The following DNAI1 variants were observed in gnomAD, a reference collection of about 807,000 sequenced individuals.
DNAI1 encodes dynein, axonemal, intermediate polypeptide 1.
In DNAI1, 67 loss-of-function variants were observed where a neutral mutation model predicts 92.0. That is an observed-to-expected ratio of 0.73 (90% CI 0.60 to 0.89). The LOEUF (loss-of-function observed/expected upper bound fraction) is 0.89. Ranked by LOEUF, DNAI1 falls within the 40% of genes least tolerant of loss-of-function variation. The pLI, the probability that DNAI1 is intolerant of heterozygous loss-of-function variation, is 0.00. For synonymous variants in DNAI1, 323 were observed against 319.6 expected, an observed-to-expected ratio of 1.01 and a Z score of -0.11; for missense variants, 839 against 866.6, an observed-to-expected ratio of 0.97 and a Z score of 0.40.
At chr9:34,479,178 G>A (rs1824293291) in intron 1 of DNAI1, among the ~76,000 whole-genome samples, 1 of 152,156 alleles carries the variant, frequency 6.6e-6, no homozygotes, top group Non-Finnish European at 1.5e-5. Context: ...ACTGCACCTC[G>A]GAGTCCTAGC....
chr9:34,481,238 G>C (rs540838834), intron 1 of DNAI1, among the ~76,000 whole-genome samples: 1 of 152,372 alleles, frequency 6.6e-6, no homozygotes, highest in East Asian at 1.9e-4. Flanking sequence ...GTGAAACTCT[G>C]TCTCAAAATA....
In DNAI1 at chr9:34,517,426, A is replaced by G. The variant is rs1825191501; in HGVS notation, c.1960A>G (p.Ile654Val). 7 of 1,614,070 alleles carry G rather than the reference A, an allele frequency of 4.3e-6. No homozygotes were observed. Among genetic ancestry groups the G allele is most frequent in the African/African-American group, 1.3e-5 (1 of 74,918 alleles). Residue 654 changes from isoleucine (I) to valine (V), a missense_variant, in exon 19 of 20, where the codon ATC (isoleucine) becomes GTC (valine). Ile to Val is a conservative substitution (Grantham distance 29). Coordinates refer to ENST00000242317, the MANE Select transcript of DNAI1 (RefSeq NM_012144.4). ...IIVGDDRGHI[I>V]SLKLSPNLRK... ...TGTGGGCGATGACCGTGGGCACATCATCAGCCTCAAGCTCTCACCCAATTT... is the reference window on the plus strand; with the variant it reads ...TGTGGGCGATGACCGTGGGCACATCGTCAGCCTCAAGCTCTCACCCAATTT...
rs779416180 is a variant in DNAI1 at position 34,466,634 on chromosome 9, GTA to G, written c.48+7587_48+7588del. On this transcript the variant is annotated intron_variant, in intron 1 of 19. Coordinates refer to ENST00000242317, the MANE Select transcript of DNAI1 (RefSeq NM_012144.4). ...AAAAGAGGATGAGAGAAGGGAGAAGGTATATATGTGGGGAGTTACAGATGGTT... is the reference window on the plus strand; with the variant it reads ...AAAAGAGGATGAGAGAAGGGAGAAGGTATATGTGGGGAGTTACAGATGGTT... 2.0e-5 allele frequency among the ~76,000 whole-genome samples: 3 copies of G among 152,204 alleles called. No homozygotes were observed. The East Asian group carries it at 5.8e-4, about 29-fold the overall frequency.
Position 34,493,418 on chromosome 9 carries a change from G to A in DNAI1, c.816+90G>A, listed in dbSNP as rs1824652960. On this transcript the variant is annotated intron_variant, in intron 9 of 19. Transcript: ENST00000242317. ...ACAGAAGCCTGGCTGTCTGGGAGGG[G>A]TTCACAGATACTTAAATCAGGGACT... is the stretch of plus-strand genomic sequence containing the variant. 16 of 1,543,800 alleles carry A rather than the reference G, an allele frequency of 1.0e-5. No homozygotes were observed. The South Asian group carries it at 1.8e-4, about 17-fold the overall frequency.
At chr9:34,488,305 A>G (rs1824513687) in intron 4 of DNAI1, 1 of 174,968 alleles carries the variant, frequency 5.7e-6, no homozygotes, top group African/African-American at 2.4e-5. Flanking sequence ...CTGCCTCCAA[A>G]GACCATGCTC....
intron 16 of DNAI1, among the ~76,000 whole-genome samples, chr9:34,513,787 CA>C (rs376945494): frequency 1.3e-3 from 200 of 152,310 alleles, no homozygotes; most frequent in African/African-American, 4.6e-3. Flanking sequence ...ACCCCCTCTT[CA>C]CCCCTCCCAC....
rs1554688186 is a variant in DNAI1 at position 34,492,493 on chromosome 9, G to GATAGATATATATATATAT, written c.682-698_682-697insGATATATATATATATATA. 4.2e-4 allele frequency among the ~76,000 whole-genome samples: 29 copies of GATAGATATATATATATAT among 68,254 alleles called. 2 individuals are homozygous for GATAGATATATATATATAT. The highest frequency in any genetic ancestry group is 9.0e-4 in the South Asian group (2 of 2,220). 44.8% of individuals were successfully genotyped at this position (68,254 alleles called of 152,430 possible). On this transcript the variant is annotated intron_variant, in intron 8 of 19. Coordinates refer to ENST00000242317, the MANE Select transcript of DNAI1 (RefSeq NM_012144.4). ...TCCGGGGTGGGGGTGGGGATATGAA[G>GATAGATATATATATATAT]ATATATATATATATATATATATATA...
chr9:34,483,529 T>G, intron 2 of DNAI1, 49 bp downstream of exon 2: 1 of 1,554,518 alleles, frequency 6.4e-7, no homozygotes, highest in Non-Finnish European at 8.8e-7. Flanking sequence ...TAATAGTGTT[T>G]TTTTTGTTGA....
chr9:34,465,883 A>G (rs1824029985), intron 1 of DNAI1, among the ~76,000 whole-genome samples: 2 of 152,248 alleles, frequency 1.3e-5, no homozygotes, highest in Admixed American at 1.3e-4. Context: ...CAAGCAAAGG[A>G]CACAGCTGTT....
chr9:34,516,434 A>T (rs1291115966), intron 18 of DNAI1, among the ~76,000 whole-genome samples: 1 of 152,088 alleles, frequency 6.6e-6, no homozygotes, highest in African/African-American at 2.4e-5. Flanking sequence ...TCCAGGTGAG[A>T]GTTGGTAGTG....
rs780393201 is a variant in DNAI1 at position 34,473,278 on chromosome 9, T to TATTA, written c.49-10169_49-10166dup. ...TGTGGAATGGCTAAATCAAGCTTAT[T>TATTA]ATTATTATTATTATTATTATTATTA... On this transcript the variant is annotated intron_variant, in intron 1 of 19. Transcript: ENST00000242317. Among the ~76,000 whole-genome samples, 616 of 146,012 alleles carry TATTA rather than the reference T, an allele frequency of 4.2e-3. 3 individuals carry two copies. Among genetic ancestry groups the TATTA allele is most frequent in the Non-Finnish European group, 7.4e-3 (501 of 67,314 alleles).
chr9:34,479,967 C>A (rs1564029683), intron 1 of DNAI1, among the ~76,000 whole-genome samples: 1 of 152,176 alleles, frequency 6.6e-6, no homozygotes, highest in South Asian at 2.1e-4. Context: ...AGTCTAACTC[C>A]CTCTCTTTGC....
intron 9 of DNAI1, among the ~76,000 whole-genome samples, chr9:34,496,274 G>A (rs568863853): frequency 2.6e-4 from 39 of 152,308 alleles, no homozygotes; most frequent in African/African-American, 9.1e-4. Context: ...GCTACCTGAC[G>A]CTGCTGTTTC....
chr9:34,502,501 G>A (rs1312329240), intron 12 of DNAI1, among the ~76,000 whole-genome samples: 1 of 152,148 alleles, frequency 6.6e-6, no homozygotes, highest in African/African-American at 2.4e-5. Context: ...TCCTCAGAAG[G>A]TGGGAGGGGA....
At chr9:34,492,516 A>C (rs1487817959) in intron 8 of DNAI1, among the ~76,000 whole-genome samples, 5 of 120,086 alleles carry the variant, frequency 4.2e-5, no homozygotes, top group African/African-American at 1.5e-4. Context: ...ATATATATAT[A>C]TATATATATA....
intron 1 of DNAI1, among the ~76,000 whole-genome samples, chr9:34,470,239 A>C (rs1337782875): frequency 1.3e-5 from 2 of 152,232 alleles, no homozygotes; most frequent in African/African-American, 4.8e-5. Flanking sequence ...GAAGATGAAC[A>C]GAGAAACAAA....
intron 1 of DNAI1, among the ~76,000 whole-genome samples, chr9:34,462,872 C>G (rs937986613): frequency 2.6e-5 from 4 of 152,094 alleles, no homozygotes; most frequent in African/African-American, 9.7e-5. Context: ...AGGTACTGTT[C>G]TAGGTATTGG....
intron 9 of DNAI1, among the ~76,000 whole-genome samples, chr9:34,494,700 G>A (rs1272532420): frequency 6.6e-6 from 1 of 152,154 alleles, no homozygotes; most frequent in Non-Finnish European, 1.5e-5. Flanking sequence ...AGGGATGAGG[G>A]ACCATCTCTC....
At chr9:34,491,589 C>T in intron 8 of DNAI1, 35 bp downstream of exon 8, 1 of 1,611,102 alleles carries the variant, frequency 6.2e-7, no homozygotes. Flanking sequence ...CCTCTTACCA[C>T]CCACCTCTAT....
Sources: gnomAD v4.1 joint callset for allele counts (sites outside exome capture counted in the v4.1 genomes callset) on GRCh38, gnomAD v4.1.1 for gene constraint, MANE v1.5 for transcripts, NCBI Gene and HGNC (gene_info 2026-07-23, HGNC 2026-07-21) for gene names.